The following CD180 variants were observed in gnomAD, a reference collection of about 807,000 sequenced individuals.
The protein encoded by CD180 is CD180 molecule, also known as CD180 antigen.
Under a neutral mutation model 10.7 loss-of-function variants are expected in CD180, and 11 were observed. The observed-to-expected ratio is 1.03, with a 90% CI of 0.65 to 1.70. The LOEUF is 1.70. Ranked by LOEUF, CD180 falls within the 40% of genes most tolerant of loss-of-function variation. The pLI, the probability that CD180 is intolerant of heterozygous loss-of-function variation, is 0.00. For missense variants in CD180, 729 were observed against 775.2 expected, an observed-to-expected ratio of 0.94 and a Z score of 0.71; for synonymous variants, 286 against 294.6, an observed-to-expected ratio of 0.97 and a Z score of 0.30.
rs1197373757 is a variant in CD180 at position 67,188,956 on chromosome 5, G to GA, written c.91-2940dup. ...ACTTAGATTTAGCTGACTGGTGGGG[G>GA]AAAAAACCACGTGTTGCCAGACCTA... On this transcript the variant is annotated intron_variant, in intron 1 of 2. Coordinates refer to ENST00000256447, the MANE Select transcript of CD180 (RefSeq NM_005582.3). Among the ~76,000 whole-genome samples the GA allele has an allele frequency of 2.0e-5, 3 of 152,266 alleles. No individual in the cohort carries two copies. In the East Asian group the frequency reaches 5.8e-4, roughly 29 times the overall value.
intron 1 of CD180, chr5:67,191,035 C>A (rs1350917011): frequency 1.0e-6 from 1 of 985,268 alleles, no homozygotes; most frequent in Non-Finnish European, 1.2e-6. Flanking sequence ...ATTAAGCATG[C>A]CTCCATCCAA....
At position 67,184,132 on chromosome 5, in the gene CD180, A is replaced by G. The variant is rs1440988160; in HGVS notation, c.711T>C (p.Val237=). The G allele has an allele frequency of 1.2e-6, 2 of 1,614,056 alleles. No individual in the cohort carries two copies. The highest frequency in any genetic ancestry group is 1.3e-5 in the African/African-American group (1 of 74,930). Residue 237 remains valine (V), a synonymous_variant, in exon 3 of 3, where the codon GTT becomes GTC. Transcript: ENST00000256447. The stretch of plus-strand genomic sequence containing the variant: ...TAGAGTTCTGCAGACCATTGAATAT[A>G]ACAGACAAATTTGGAGTTCCTCCAA... ...LNFGGTPNLS[V]IFNGLQNSTT... is the part of the protein sequence containing the mutation.
Position 67,183,406 on chromosome 5 carries a change from A to T in CD180, c.1437T>A (p.Asn479Lys). Residue 479 changes from asparagine (N) to lysine (K), a missense_variant, in exon 3 of 3, where the codon AAT becomes AAA. Transcript: ENST00000256447. ...TCGTGATAGTCCCATCTTGAAAGTG[A>T]TTCCCTTTTAAGTTGAGATGCCGGA... ...PVLRHLNLKG[N>K]HFQDGTITKT... The T allele has an allele frequency of 6.2e-7, 1 of 1,614,182 alleles. No individual in the cohort carries two copies. Among genetic ancestry groups the T allele is most frequent in the Non-Finnish European group, 8.5e-7 (1 of 1,180,034 alleles).
rs140489185 is a variant in CD180, at chr5:67,189,325, T to A, written c.91-3308A>T. Among the ~76,000 whole-genome samples the A allele has an allele frequency of 5.9e-5, 9 of 152,322 alleles. No individual in the cohort carries two copies. The East Asian group carries it at 1.7e-3, about 29-fold the overall frequency. ...AGAAGATTGAGAATCCAGGAGGAGCTCTGCTAAGCCAGTGGCCTGAGTGAG... is the reference window on the plus strand; with the variant it reads ...AGAAGATTGAGAATCCAGGAGGAGCACTGCTAAGCCAGTGGCCTGAGTGAG... On this transcript the variant is annotated intron_variant, in intron 1 of 2. Coordinates refer to ENST00000256447, the MANE Select transcript of CD180 (RefSeq NM_005582.3).
In CD180 at chr5:67,184,551, G is replaced by C. The variant is rs1742145148; in HGVS notation, c.292C>G (p.Gln98Glu). 1.9e-6 allele frequency: 3 copies of C among 1,602,606 alleles called. No individual in the cohort carries two copies. Among genetic ancestry groups the C allele is most frequent in the Admixed American group, 1.7e-5 (1 of 59,838 alleles). ...QINWIHEDTF[Q>E]SHHQLSTLVL... Reference sequence around the variant, plus strand: ...AGTGTGCTTAATTGATGATGGCTTTGAAAAGTGTCTTCATGTATCCAGTTA... The same window carrying C: ...AGTGTGCTTAATTGATGATGGCTTTCAAAAGTGTCTTCATGTATCCAGTTA... Residue 98 changes from glutamine to glutamate, a missense_variant, in exon 3 of 3, where the codon CAA becomes GAA. Gln to Glu is a conservative substitution (Grantham distance 29). Transcript: ENST00000256447.
At chr5:67,195,805 C>A (rs1488923541) in intron 1 of CD180, among the ~76,000 whole-genome samples, 1 of 152,230 alleles carries the variant, frequency 6.6e-6, no homozygotes, top group Non-Finnish European at 1.5e-5. Context: ...GCTCACCAAG[C>A]CACCAAGACT....
chr5:67,183,479 C>T lies in CD180; in HGVS notation c.1364G>A (p.Cys455Tyr). ...HFLQVLNLTYCFLDTSNQHLL... is the reference protein window; with the variant it reads ...HFLQVLNLTYYFLDTSNQHLL... Reference sequence around the variant, plus strand: ...ATGCTGATTGCTGGTATCAAGGAAGCAGTAAGTGAGATTCAGAACCTGAAG... The same window carrying T: ...ATGCTGATTGCTGGTATCAAGGAAGTAGTAAGTGAGATTCAGAACCTGAAG... The change falls in exon 3 of 3, where the codon TGC becomes TAC. Residue 455 changes from cysteine to tyrosine, a missense_variant. Cys to Tyr is a radical substitution (Grantham distance 194). Transcript: ENST00000256447. 1.9e-6 allele frequency: 3 copies of T among 1,614,166 alleles called. No homozygotes were observed. The highest frequency in any genetic ancestry group is 2.5e-6 in the Non-Finnish European group (3 of 1,180,036).
chr5:67,190,152 CA>C (rs1324677377), intron 1 of CD180, among the ~76,000 whole-genome samples: 2 of 152,132 alleles, frequency 1.3e-5, no homozygotes, highest in Non-Finnish European at 2.9e-5. Context: ...CAGAATGTCC[CA>C]GTTATGGGTT....
In CD180 at chr5:67,182,306, T is replaced by G. The variant is rs1347718226; in HGVS notation, c.*551A>C. 1 of 152,296 alleles carries G rather than the reference T, an allele frequency of 6.6e-6. No homozygotes were observed. The allele number at this position is 152,296 out of a possible 1,614,324, so 9.4% of individuals were successfully genotyped here. Reference sequence around the variant, plus strand: ...TTCTCAGCCTTTTCTTTTAAATTTATTATGCTTTTCTTTTCTTTTTTCATT... The same window carrying G: ...TTCTCAGCCTTTTCTTTTAAATTTAGTATGCTTTTCTTTTCTTTTTTCATT... On this transcript the variant is annotated 3_prime_UTR_variant, in exon 3 of 3. Coordinates refer to ENST00000256447, the MANE Select transcript of CD180 (RefSeq NM_005582.3).
At chr5:67,196,481 T>A (rs1026242393) in intron 1 of CD180, 71 bp downstream of exon 1, 28 of 1,447,302 alleles carry the variant, frequency 1.9e-5, no homozygotes, top group Non-Finnish European at 2.6e-5. Flanking sequence ...AAGGCTCAGA[T>A]TGGACTGCGT....
intron 1 of CD180, among the ~76,000 whole-genome samples, chr5:67,196,342 C>T (rs1742403407): frequency 6.6e-6 from 1 of 152,168 alleles, no homozygotes; most frequent in Non-Finnish European, 1.5e-5. Context: ...GAGAAAAATT[C>T]TCTTTGCTTC....
At chr5:67,196,469 C>A in intron 1 of CD180, 83 bp downstream of exon 1, 1 of 1,326,720 alleles carries the variant, frequency 7.5e-7, no homozygotes. Flanking sequence ...TATTGGGATG[C>A]CAAGGCTCAG....
chr5:67,187,918 A>G (rs5744507), intron 1 of CD180, among the ~76,000 whole-genome samples: 22,675 of 152,058 alleles, frequency 0.15, 3,445 homozygotes, highest in African/African-American at 0.37. Flanking sequence ...CTGATAAAGC[A>G]AGTAAGTTAT....
chr5:67,191,586 G>C (rs1048761192), intron 1 of CD180, among the ~76,000 whole-genome samples: 3 of 152,172 alleles, frequency 2.0e-5, no homozygotes, highest in Admixed American at 6.5e-5. Flanking sequence ...ACATTCCCAA[G>C]TAAATATTTC....
chr5:67,186,395 T>A (rs1411551434), intron 1 of CD180: 2 of 154,144 alleles, frequency 1.3e-5, no homozygotes, highest in South Asian at 4.0e-4. Flanking sequence ...GTATATAGTA[T>A]ACAGTATGTA....
chr5:67,185,241 G>T (rs1697143), intron 2 of CD180, among the ~76,000 whole-genome samples: 28,967 of 141,720 alleles, frequency 0.2, 3,591 homozygotes, highest in Non-Finnish European at 0.29. Flanking sequence ...AAGTAGAACT[G>T]CCGCAAAGGG....
intron 2 of CD180, 116 bp from the exon 3 acceptor site, chr5:67,184,701 C>T: frequency 4.7e-6 from 4 of 859,004 alleles, no homozygotes; most frequent in Non-Finnish European, 7.0e-6. Flanking sequence ...AATATAAGAA[C>T]TTTCTTCAAT....
At position 67,183,753 on chromosome 5, in the gene CD180, C is replaced by T. The variant is rs780941863; in HGVS notation, c.1090G>A (p.Gly364Ser). 1.3e-5 allele frequency: 21 copies of T among 1,614,156 alleles called. No homozygotes were observed. The highest frequency in any genetic ancestry group is 3.3e-4 in the Middle Eastern group (2 of 6,062). Residue 364 changes from glycine to serine, a missense_variant, in exon 3 of 3, where the codon GGC (glycine) becomes AGC (serine). Gly to Ser is a moderately conservative substitution (Grantham distance 56, BLOSUM62 0). Coordinates refer to ENST00000256447, the MANE Select transcript of CD180 (RefSeq NM_005582.3). The part of the protein sequence containing the change: ...GNVKKLHLGV[G>S]CLEKLGNLQT... ...AGGTTTCCTAGTTTCTCCAAGCAGC[C>T]AACACCAAGGTGAAGTTTCTTCACG...
At chr5:67,194,190 C>A (rs1184703847) in intron 1 of CD180, among the ~76,000 whole-genome samples, 1 of 152,132 alleles carries the variant, frequency 6.6e-6, no homozygotes. Context: ...ATGGTAATAG[C>A]CCTTCTTAAA....
Sources: gnomAD v4.1 joint callset for allele counts (sites outside exome capture counted in the v4.1 genomes callset) on GRCh38, gnomAD v4.1.1 for gene constraint, MANE v1.5 for transcripts, NCBI Gene and HGNC (gene_info 2026-07-23, HGNC 2026-07-21) for gene names.